ELL2: variants seen among roughly 807,000 people sequenced by gnomAD.
ELL2 encodes the protein elongation factor for RNA polymerase II 2, also known as RNA polymerase II elongation factor ELL2.
Under a neutral mutation model 72.8 loss-of-function variants are expected in ELL2, and 21 were observed. That is an observed-to-expected ratio of 0.29 (90% CI 0.20 to 0.42). The LOEUF (loss-of-function observed/expected upper bound fraction) is 0.42. Among genes scored for constraint, ELL2 ranks in the 10% least tolerant of loss-of-function variants. ELL2 has a pLI of 1.00. For missense variants in ELL2, 568 were observed against 772.8 expected (o/e 0.73, Z 3.14); for synonymous variants, 266 against 283.2 (o/e 0.94, Z 0.61).
chr5:95,917,697 A>G (rs181833337), intron 3 of ELL2, among the ~76,000 whole-genome samples: 267 of 152,314 alleles, frequency 1.8e-3, no homozygotes, highest in Admixed American at 5.2e-3. Flanking sequence ...TATTTTCACA[A>G]TAAGTGTTTC....
intron 2 of ELL2, among the ~76,000 whole-genome samples, chr5:95,922,095 T>G (rs114320957): frequency 0.016 from 2,407 of 151,810 alleles, 53 homozygotes; most frequent in African/African-American, 0.055. Context: ...AGACGTAATC[T>G]CTCTGTCGCC....
At chr5:95,909,651 T>C (rs1014289498) in intron 4 of ELL2, among the ~76,000 whole-genome samples, 10 of 152,218 alleles carry the variant, frequency 6.6e-5, no homozygotes, top group Admixed American at 1.3e-4. Flanking sequence ...GAGAACCTAA[T>C]TCTCTTCCCA....
Position 95,927,418 on chromosome 5 carries a change from T to TAG in ELL2, c.196-7875_196-7874dup, listed in dbSNP as rs1554077286. Among the ~76,000 whole-genome samples the TAG allele has an allele frequency of 8.9e-4, 59 of 66,390 alleles. 16 individuals carry two copies. Among genetic ancestry groups the TAG allele is most frequent in the African/African-American group, 3.3e-3 (34 of 10,158 alleles). The allele number at this position is 66,390 out of a possible 152,430, so 43.6% of individuals were successfully genotyped here. A position where few individuals can be genotyped will look rare whatever the true frequency, so the allele number is the denominator to read the frequency against. ...ATAGACATACACACACGTGTGTATA[T>TAG]AGACATACACACACACGTGTGTATA... is the stretch of plus-strand genomic sequence containing the variant. On this transcript the variant is annotated intron_variant, in intron 2 of 11. Transcript: ENST00000237853.
chr5:95,949,012 T>C (rs538308820), intron 1 of ELL2, among the ~76,000 whole-genome samples: 1 of 152,338 alleles, frequency 6.6e-6, no homozygotes, highest in East Asian at 1.9e-4. Context: ...AATAGTAGTA[T>C]AGGCAATGCT....
intron 5 of ELL2, 42 bp from the exon 6 acceptor site, chr5:95,901,122 A>G (rs1222274294): frequency 1.3e-6 from 2 of 1,563,028 alleles, no homozygotes; most frequent in Non-Finnish European, 1.7e-6. Flanking sequence ...TATTTTTACT[A>G]TCATCTCCTA....
chr5:95,913,915 T>A lies in ELL2; in HGVS notation c.337A>T (p.Asn113Tyr). ...TTATCTTGTATAAATCCCAGGCAATTGAGCTGGGAGGCTCCAGAGCTGTCA... is the reference window on the plus strand; with the variant it reads ...TTATCTTGTATAAATCCCAGGCAATAGAGCTGGGAGGCTCCAGAGCTGTCA... Reference protein sequence around the residue: ...TFSSSGASQLNCLGFIQDKIT... With the variant: ...TFSSSGASQLYCLGFIQDKIT... The change falls in exon 4 of 12, where the codon AAT (asparagine) becomes TAT (tyrosine). Residue 113 changes from asparagine (N) to tyrosine (Y), a missense_variant. Physicochemically the swap from Asn to Tyr is moderately radical, Grantham distance 143. Around this residue, in one of 2 missense-constraint regions of ELL2, gnomAD observed 511 missense variants for 728.4 expected, o/e 0.70. Coordinates refer to ENST00000237853, the MANE Select transcript of ELL2 (RefSeq NM_012081.6). 1.9e-6 allele frequency: 3 copies of A among 1,607,022 alleles called. No homozygotes were observed. The highest frequency in any genetic ancestry group is 2.2e-5 in the South Asian group (2 of 90,242).
Position 95,893,445 on chromosome 5 carries a change from C to T in ELL2, c.1590-2171G>A, listed in dbSNP as rs1673941567. ...TGTCGCCCAGGCTGGAGTGCAGTGG[C>T]ACCATCTTGGCTCACTGCAAACTCC... On this transcript the variant is annotated intron_variant, in intron 9 of 11. Coordinates refer to ENST00000237853, the MANE Select transcript of ELL2 (RefSeq NM_012081.6). 2.6e-5 allele frequency among the ~76,000 whole-genome samples: 4 copies of T among 152,238 alleles called. No individual in the cohort carries two copies. The South Asian group carries it at 8.3e-4, about 32-fold the overall frequency.
chr5:95,925,020 C>T (rs902863484), intron 2 of ELL2, among the ~76,000 whole-genome samples: 1 of 152,214 alleles, frequency 6.6e-6, no homozygotes, highest in African/African-American at 2.4e-5. Context: ...CTGTTGGTAC[C>T]TTTACTGCAG....
At chr5:95,893,231 A>G (rs2112268089) in intron 9 of ELL2, among the ~76,000 whole-genome samples, 1 of 152,308 alleles carries the variant, frequency 6.6e-6, no homozygotes, top group Non-Finnish European at 1.5e-5. Context: ...ACTTTTACGA[A>G]AAATTGTTGT....
intron 3 of ELL2, among the ~76,000 whole-genome samples, chr5:95,916,453 G>A (rs1337621904): frequency 3.3e-5 from 5 of 152,178 alleles, no homozygotes; most frequent in Non-Finnish European, 5.9e-5. Flanking sequence ...ACAGAGGTAG[G>A]AAGGAAACCA....
At position 95,916,467 on chromosome 5, in the gene ELL2, G is replaced by T. The variant is rs78218187; in HGVS notation, c.318-2533C>A. ...TACAGAGGTAGGAAGGAAACCAGAA[G>T]AGTACTGTGTAATGTAAGCCACTGG... On this transcript the variant is annotated intron_variant, in intron 3 of 11. Transcript: ENST00000237853. Among the ~76,000 whole-genome samples, 699 of 152,264 alleles carry T rather than the reference G, an allele frequency of 4.6e-3. 8 individuals are homozygous for T. Among genetic ancestry groups the T allele is most frequent in the African/African-American group, 0.015 (638 of 41,544 alleles).
At chr5:95,961,433 G>GGCCCT (rs1254407865) in intron 1 of ELL2, 142 bp downstream of exon 1, 27 of 1,050,334 alleles carry the variant, frequency 2.6e-5, no homozygotes, top group Non-Finnish European at 3.3e-5. Context: ...CACCCTGCCC[G>GGCCCT]GCCCTGCCCT....
intron 2 of ELL2, among the ~76,000 whole-genome samples, chr5:95,933,956 T>A (rs1330529829): frequency 6.6e-6 from 1 of 152,194 alleles, no homozygotes; most frequent in East Asian, 1.9e-4. Context: ...TAACAAAGTT[T>A]TCCGTTATAG....
intron 2 of ELL2, among the ~76,000 whole-genome samples, chr5:95,940,972 G>C (rs1174259537): frequency 3.3e-5 from 5 of 152,006 alleles, no homozygotes; most frequent in African/African-American, 9.7e-5. Flanking sequence ...GCAAAAAGAA[G>C]GGGGGGAGGG....
At chr5:95,960,643 A>G (rs1751799407) in intron 1 of ELL2, among the ~76,000 whole-genome samples, 1 of 151,752 alleles carries the variant, frequency 6.6e-6, no homozygotes, top group Non-Finnish European at 1.5e-5. Flanking sequence ...CCCCGTTTAC[A>G]CTTCCCAGAG....
At chr5:95,916,821 G>C (rs189824093) in intron 3 of ELL2, among the ~76,000 whole-genome samples, 1 of 151,844 alleles carries the variant, frequency 6.6e-6, no homozygotes, top group Non-Finnish European at 1.5e-5. Flanking sequence ...TGGGAGAGAG[G>C]GGGGAGAGTG....
intron 9 of ELL2, among the ~76,000 whole-genome samples, chr5:95,894,377 T>C (rs1033605394): frequency 2.6e-5 from 4 of 152,352 alleles, no homozygotes; most frequent in Non-Finnish European, 5.9e-5. Context: ...GTCACTATTA[T>C]AAAAAAGAAT....
intron 1 of ELL2, among the ~76,000 whole-genome samples, chr5:95,951,567 G>A (rs530460751): frequency 2.0e-5 from 3 of 152,110 alleles, no homozygotes; most frequent in South Asian, 2.1e-4. Flanking sequence ...ATAAGGAGAA[G>A]TGGTAAAATA....
chr5:95,922,341 C>T (rs372883849), intron 2 of ELL2, among the ~76,000 whole-genome samples: 56 of 152,334 alleles, frequency 3.7e-4, no homozygotes, highest in African/African-American at 1.2e-3. Flanking sequence ...GGATTACAGG[C>T]GTGAGCCACT....
Sources: allele counts gnomAD v4.1 joint callset (sites outside exome capture counted in the v4.1 genomes callset), GRCh38; gene constraint gnomAD v4.1.1; regional missense constraint gnomAD v4.1.1; transcripts MANE v1.5; gene names NCBI Gene and HGNC (gene_info 2026-07-23, HGNC 2026-07-21).